Variants in ZFAND3 observed in about 807,000 individuals in gnomAD.
ZFAND3 encodes the protein zinc finger AN1-type containing 3.
Under a neutral mutation model 29.6 loss-of-function variants are expected in ZFAND3, and 10 were observed. The ratio of observed to expected loss-of-function variants is 0.34; its 90% CI spans 0.21 to 0.57. The LOEUF (loss-of-function observed/expected upper bound fraction) is 0.57, where lower values mean the gene tolerates loss of function less well. ZFAND3 is among the 20% of genes least tolerant of loss of function. The probability of loss-of-function intolerance (pLI) is 0.86; values close to 1 mark genes in which losing one functional copy is unlikely to be tolerated. For missense variants in ZFAND3, 230 were observed against 304.5 expected, an observed-to-expected ratio of 0.76 and a Z score of 1.82; for synonymous variants, 128 against 112.6, an observed-to-expected ratio of 1.14 and a Z score of -0.87.
intron 4 of ZFAND3, among the ~76,000 whole-genome samples, chr6:38,095,349 A>G (rs974681392): frequency 3.9e-5 from 6 of 152,208 alleles, no homozygotes; most frequent in African/African-American, 1.4e-4. Flanking sequence ...CTCAAAAATC[A>G]TGCCACATCT....
chr6:37,995,327 C>G (rs1762831670), intron 2 of ZFAND3, among the ~76,000 whole-genome samples: 1 of 152,148 alleles, frequency 6.6e-6, no homozygotes, highest in South Asian at 2.1e-4. Flanking sequence ...AAGAACTTAA[C>G]TGTTTTCAAG....
chr6:38,051,309 TAATC>T (rs1233118460), intron 2 of ZFAND3, among the ~76,000 whole-genome samples: 2 of 152,206 alleles, frequency 1.3e-5, no homozygotes, highest in African/African-American at 4.8e-5. Flanking sequence ...ATTATAGAAA[TAATC>T]AGTGATCTAA....
At chr6:38,145,096 A>G (rs1384538673) in intron 5 of ZFAND3, among the ~76,000 whole-genome samples, 1 of 152,180 alleles carries the variant, frequency 6.6e-6, no homozygotes, top group East Asian at 1.9e-4. Context: ...GCCTCACCTC[A>G]GGCAGGATGT....
chr6:37,830,179 G>A (rs1469827731), intron 1 of ZFAND3, among the ~76,000 whole-genome samples: 3 of 152,156 alleles, frequency 2.0e-5, no homozygotes, highest in Admixed American at 2.0e-4. Flanking sequence ...AAAGTCATTG[G>A]ACAGAGATCT....
intron 1 of ZFAND3, among the ~76,000 whole-genome samples, chr6:37,914,672 C>CTTTTT (rs71542148): frequency 2.6e-5 from 3 of 114,210 alleles, no homozygotes; most frequent in South Asian, 2.8e-4. Context: ...CTTTTTTTTT[C>CTTTTT]TTTTTTTTTT....
chr6:38,152,968 AGATTCTTACG>A lies in ZFAND3; in HGVS notation c.*582_*591del, dbSNP rs1397076135. On this transcript the variant is annotated 3_prime_UTR_variant, in exon 6 of 6. Coordinates refer to ENST00000287218, the MANE Select transcript of ZFAND3 (RefSeq NM_021943.3). The stretch of plus-strand genomic sequence containing the variant: ...GAGCTGGAAATGGGGGGTGGGGGAC[AGATTCTTACG>A]GAAATTTTTTTACCTGACTTGCTAT... 1 of 985,776 alleles carries A rather than the reference AGATTCTTACG, an allele frequency of 1.0e-6. No homozygotes were observed. The highest frequency in any genetic ancestry group is 1.2e-6 in the Non-Finnish European group (1 of 829,970). 61.1% of individuals were successfully genotyped at this position (985,776 alleles called of 1,614,324 possible). A position where few individuals can be genotyped will look rare whatever the true frequency, so the allele number is the denominator to read the frequency against.
intron 2 of ZFAND3, among the ~76,000 whole-genome samples, chr6:37,977,863 C>A (rs1762512741): frequency 7.3e-6 from 1 of 136,094 alleles, no homozygotes; most frequent in African/African-American, 2.8e-5. Flanking sequence ...TTCCTTCCTT[C>A]CTTCCTTTCC....
In ZFAND3 at chr6:37,876,273, C is replaced by T. The variant is rs77515710; in HGVS notation, c.72-53686C>T. Reference sequence around the variant, plus strand: ...ATTTCTTTGACAACTTTTAGAATCCCGTAGGCATTGATTTGTTTCTGCCTT... The same window carrying T: ...ATTTCTTTGACAACTTTTAGAATCCTGTAGGCATTGATTTGTTTCTGCCTT... On this transcript the variant is annotated intron_variant, in intron 1 of 5. Transcript: ENST00000287218. 2.0e-5 allele frequency among the ~76,000 whole-genome samples: 3 copies of T among 152,234 alleles called. No homozygotes were observed. The South Asian group carries it at 6.2e-4, about 32-fold the overall frequency.
chr6:38,096,181 C>T (rs1273527106), intron 4 of ZFAND3, among the ~76,000 whole-genome samples: 1 of 151,742 alleles, frequency 6.6e-6, no homozygotes, highest in African/African-American at 2.4e-5. Context: ...GTTGTCCCCC[C>T]CAACCCCCCG....
chr6:38,093,456 T>C lies in ZFAND3; in HGVS notation c.361+10999T>C, dbSNP rs1052871734. ...GAAAATTATAAATATGAGCCTGTTT[T>C]AGAAATTGCTAATTTAGAAACAATG... On this transcript the variant is annotated intron_variant, in intron 4 of 5. Transcript: ENST00000287218. Among the ~76,000 whole-genome samples, 4 of 152,316 alleles carry C rather than the reference T, an allele frequency of 2.6e-5. No individual in the cohort carries two copies. In the South Asian group the frequency reaches 8.3e-4, roughly 32 times the overall value.
chr6:38,099,362 A>G (rs956038084), intron 4 of ZFAND3, among the ~76,000 whole-genome samples: 31 of 152,272 alleles, frequency 2.0e-4, no homozygotes, highest in African/African-American at 7.5e-4. Context: ...CCAGCCTCCC[A>G]CTATATATGT....
chr6:37,986,535 G>T (rs531635156), intron 2 of ZFAND3, among the ~76,000 whole-genome samples: 10 of 152,126 alleles, frequency 6.6e-5, no homozygotes, highest in East Asian at 3.9e-4. Flanking sequence ...ACATTTGTTG[G>T]TTTTTTTATC....
At chr6:37,985,327 A>C (rs1762648317) in intron 2 of ZFAND3, among the ~76,000 whole-genome samples, 1 of 152,138 alleles carries the variant, frequency 6.6e-6, no homozygotes, top group Non-Finnish European at 1.5e-5. Context: ...GAAATAACTC[A>C]GTTTAACAAA....
intron 1 of ZFAND3, among the ~76,000 whole-genome samples, chr6:37,849,535 A>G (rs1290559112): frequency 6.6e-6 from 1 of 151,938 alleles, no homozygotes; most frequent in Non-Finnish European, 1.5e-5. Flanking sequence ...CAGCCTCCTG[A>G]GTAGCTGGGA....
intron 3 of ZFAND3, among the ~76,000 whole-genome samples, chr6:38,069,426 T>C (rs1030705237): frequency 2.0e-5 from 3 of 152,204 alleles, no homozygotes; most frequent in Admixed American, 1.3e-4. Flanking sequence ...AGATGGAGTT[T>C]TTCCGATATA....
rs139088637 is a variant in ZFAND3, at chr6:38,046,985, G to GT, written c.113-14607dup. 2.4e-3 allele frequency among the ~76,000 whole-genome samples: 362 copies of GT among 152,136 alleles called. 1 individual carries two copies. The highest frequency in any genetic ancestry group is 8.5e-3 in the African/African-American group (353 of 41,486). ...TGGGAAAATCAGAGTTAGAGCTAAA[G>GT]TGTACTGATCTAGTATTATAATTAG... On this transcript the variant is annotated intron_variant, in intron 2 of 5. Coordinates refer to ENST00000287218, the MANE Select transcript of ZFAND3 (RefSeq NM_021943.3).
intron 2 of ZFAND3, among the ~76,000 whole-genome samples, chr6:38,029,025 A>G (rs912534041): frequency 6.6e-6 from 1 of 152,178 alleles, no homozygotes; most frequent in Non-Finnish European, 1.5e-5. Flanking sequence ...TGAACTTTAC[A>G]TAATAACCGG....
chr6:37,991,300 T>G (rs1762754587), intron 2 of ZFAND3, among the ~76,000 whole-genome samples: 1 of 151,856 alleles, frequency 6.6e-6, no homozygotes, highest in Admixed American at 6.6e-5. Context: ...TATTTTTATT[T>G]TATTAATTTA....
chr6:38,024,372 C>T (rs893576474), intron 2 of ZFAND3, among the ~76,000 whole-genome samples: 11 of 150,206 alleles, frequency 7.3e-5, no homozygotes, highest in African/African-American at 2.5e-4. Context: ...CTTGGGAGGC[C>T]GAGGCAGGAG....
Sources: allele counts gnomAD v4.1 joint callset (sites outside exome capture counted in the v4.1 genomes callset), GRCh38; gene constraint gnomAD v4.1.1; transcripts MANE v1.5; gene names NCBI Gene and HGNC (gene_info 2026-07-23, HGNC 2026-07-21).